Variants in PTPN2 observed in about 807,000 individuals in gnomAD.
The protein encoded by PTPN2 is tyrosine-protein phosphatase non-receptor type 2.
PTPN2 carries 19 observed loss-of-function variants against 57.3 expected under a neutral mutation model. That is an observed-to-expected ratio of 0.33 (90% confidence interval 0.23 to 0.49). The LOEUF (loss-of-function observed/expected upper bound fraction) is 0.49, where lower values mean the gene tolerates loss of function less well. PTPN2 is among the 20% of genes least tolerant of loss of function. PTPN2 has a pLI of 0.99. For synonymous variants in PTPN2, 153 were observed against 164.9 expected (o/e 0.93, Z 0.55); for missense variants, 358 against 501.1 (o/e 0.71, Z 2.73).
intron 2 of PTPN2, chr18:12,841,020 T>TA (rs2043026435): frequency 7.3e-7 from 1 of 1,376,168 alleles, no homozygotes; most frequent in Non-Finnish European, 9.5e-7. Flanking sequence ...TATAGGGATC[T>TA]AAAGGTAAGA....
intron 1 of PTPN2, among the ~76,000 whole-genome samples, chr18:12,869,584 T>G (rs1204668168): frequency 6.6e-6 from 1 of 152,244 alleles, no homozygotes; most frequent in East Asian, 1.9e-4. Context: ...GTACATAGCT[T>G]TGTTCTATGT....
chr18:12,845,994 G>A (rs530030268), intron 2 of PTPN2, among the ~76,000 whole-genome samples: 9 of 151,988 alleles, frequency 5.9e-5, no homozygotes, highest in Non-Finnish European at 1.3e-4. Context: ...GTTCTTTCAC[G>A]GTATTTTTTA....
chr18:12,842,891 C>T (rs1444440403), intron 2 of PTPN2, among the ~76,000 whole-genome samples: 1 of 152,314 alleles, frequency 6.6e-6, no homozygotes, highest in East Asian at 1.9e-4. Context: ...CCTACACCTG[C>T]TAGAATTTTG....
Position 12,793,191 on chromosome 18 carries a change from G to A in PTPN2, c.*1087C>T. On this transcript the variant is annotated 3_prime_UTR_variant, in exon 9 of 9. Transcript: ENST00000309660. ...AGGAAAGCTAGCATTCAAATGAGCAGTTAAATTCATTAAACAGTTTGCTTT... is the reference window on the plus strand; with the variant it reads ...AGGAAAGCTAGCATTCAAATGAGCAATTAAATTCATTAAACAGTTTGCTTT... 1.0e-6 allele frequency: 1 copy of A among 984,390 alleles called. No homozygotes were observed. Among genetic ancestry groups the A allele is most frequent in the Non-Finnish European group, 1.2e-6 (1 of 829,082 alleles). The allele number at this position is 984,390 out of a possible 1,614,324, so 61.0% of individuals were successfully genotyped here.
At chr18:12,829,261 A>T (rs1568121812) in intron 4 of PTPN2, among the ~76,000 whole-genome samples, 1 of 152,056 alleles carries the variant, frequency 6.6e-6, no homozygotes, top group Non-Finnish European at 1.5e-5. Context: ...CACGCCTGTA[A>T]TCCCAGCACT....
intron 1 of PTPN2, among the ~76,000 whole-genome samples, chr18:12,872,883 A>T (rs1417191573): frequency 6.6e-6 from 1 of 152,224 alleles, no homozygotes; most frequent in East Asian, 1.9e-4. Context: ...CATTCTTAAA[A>T]GCTATTTCAG....
chr18:12,869,066 C>T (rs4797707), intron 1 of PTPN2: 6,484 of 152,378 alleles, frequency 0.043, 174 homozygotes, highest in East Asian at 0.13. Flanking sequence ...AGGAGAATCG[C>T]TTGAACTCCG....
chr18:12,800,821 T>C (rs2542170), intron 8 of PTPN2, among the ~76,000 whole-genome samples: 68,684 of 152,078 alleles, frequency 0.45, 17,676 homozygotes, highest in Non-Finnish European at 0.57. Context: ...CTCATTCACT[T>C]TGCTATGTGA....
rs977828331 is a variant in PTPN2, at chr18:12,794,212, A to G, written c.*66T>C. On this transcript the variant is annotated 3_prime_UTR_variant, in exon 9 of 9. Transcript: ENST00000309660. The stretch of plus-strand genomic sequence containing the variant: ...GGATATGAGGCGTTTGCTGCAGACA[A>G]ACCCCTATGATTAATGTAGCACTGT... 5.6e-6 allele frequency: 9 copies of G among 1,597,708 alleles called. No homozygotes were observed. In the African/African-American group the frequency reaches 8.1e-5, roughly 14 times the overall value.
intron 2 of PTPN2, chr18:12,840,806 C>T (rs2043019832): frequency 1.3e-6 from 2 of 1,598,280 alleles, no homozygotes; most frequent in Non-Finnish European, 1.7e-6. Context: ...TTGCTGACAT[C>T]ACCTTTTCAC....
chr18:12,873,341 G>A (rs760324559), intron 1 of PTPN2, among the ~76,000 whole-genome samples: 27 of 152,110 alleles, frequency 1.8e-4, no homozygotes, highest in South Asian at 8.3e-4. Context: ...ATGCCGAGCC[G>A]AAGCTGGACT....
chr18:12,865,453 AAG>A (rs1185405108), intron 1 of PTPN2, among the ~76,000 whole-genome samples: 1 of 150,426 alleles, frequency 6.6e-6, no homozygotes, highest in African/African-American at 2.5e-5. Context: ...AAAAAAAAAA[AAG>A]AGAGAGGCGG....
chr18:12,816,205 T>C (rs1204123172), intron 6 of PTPN2, among the ~76,000 whole-genome samples: 1 of 151,834 alleles, frequency 6.6e-6, no homozygotes, highest in Non-Finnish European at 1.5e-5. Flanking sequence ...GAGGCTGAGG[T>C]GGGAGGATCA....
Position 12,793,281 on chromosome 18 carries a change from G to C in PTPN2, c.*997C>G. ...GCATATAATCATACTATTTATTGAA[G>C]TAGAAAGAAACTGAAAAGTGTTTAC... On this transcript the variant is annotated 3_prime_UTR_variant, in exon 9 of 9. Transcript: ENST00000309660. 2 of 972,528 alleles carry C rather than the reference G, an allele frequency of 2.1e-6. No homozygotes were observed. Among genetic ancestry groups the C allele is most frequent in the Non-Finnish European group, 2.4e-6 (2 of 817,928 alleles). The allele number at this position is 972,528 out of a possible 1,614,324, so 60.2% of individuals were successfully genotyped here.
At chr18:12,878,435 C>T (rs759034720) in intron 1 of PTPN2, among the ~76,000 whole-genome samples, 19 of 151,850 alleles carry the variant, frequency 1.3e-4, no homozygotes, top group Admixed American at 1.1e-3. Context: ...TTTGGGAGGC[C>T]GAGGCAGGTG....
intron 4 of PTPN2, 143 bp from the exon 5 acceptor site, chr18:12,826,087 C>A: frequency 1.6e-6 from 1 of 627,458 alleles, no homozygotes; most frequent in Non-Finnish European, 2.7e-6. Context: ...CTATATTCTA[C>A]GCTTAATGTA....
chr18:12,809,906 G>A (rs1240061910), intron 7 of PTPN2, among the ~76,000 whole-genome samples: 7 of 152,180 alleles, frequency 4.6e-5, no homozygotes, highest in Non-Finnish European at 2.9e-5. Flanking sequence ...GGCACGCCTG[G>A]CACAGTGGCT....
chr18:12,870,566 T>G (rs1192827897), intron 1 of PTPN2, among the ~76,000 whole-genome samples: 3 of 133,798 alleles, frequency 2.2e-5, no homozygotes, highest in Non-Finnish European at 3.1e-5. Flanking sequence ...TGGAGTGCAG[T>G]GGCGCGATCT....
rs143265803 is a variant in PTPN2 at position 12,866,235 on chromosome 18, G to A, written c.70-6981C>T. ...AGGTGGATCACGAGGTCAGGAGATCGAGACCATCCTGGCTAACACAGTGAA... is the reference window on the plus strand; with the variant it reads ...AGGTGGATCACGAGGTCAGGAGATCAAGACCATCCTGGCTAACACAGTGAA... On this transcript the variant is annotated intron_variant, in intron 1 of 8. Transcript: ENST00000309660. 8.4e-3 allele frequency among the ~76,000 whole-genome samples: 1,285 copies of A among 152,170 alleles called. 7 individuals carry two copies. Among genetic ancestry groups the A allele is most frequent in the Non-Finnish European group, 0.013 (856 of 68,002 alleles).
Sources: gnomAD v4.1 joint callset for allele counts (sites outside exome capture counted in the v4.1 genomes callset) on GRCh38, gnomAD v4.1.1 for gene constraint, MANE v1.5 for transcripts, NCBI Gene and HGNC (gene_info 2026-07-23, HGNC 2026-07-21) for gene names.